The following REST variants were observed in gnomAD, a reference collection of about 807,000 sequenced individuals.
The protein encoded by REST is RE1-silencing transcription factor.
Under a neutral mutation model 30.4 loss-of-function variants are expected in REST, and 1 was observed. The observed-to-expected ratio is 0.03, with a 90% confidence interval of 0.01 to 0.16. The LOEUF (loss-of-function observed/expected upper bound fraction) is 0.16, where lower values mean the gene tolerates loss of function less well. Ranked by LOEUF, REST falls within the 10% of genes least tolerant of loss-of-function variation. REST has a pLI of 1.00. For synonymous variants in REST, 504 were observed against 451.1 expected (o/e 1.12, Z -1.49); for missense variants, 1,259 against 1,329.5 (o/e 0.95, Z 0.82).
chr4:56,919,564 A>C (rs1352350793), intron 2 of REST, among the ~76,000 whole-genome samples: 1 of 152,230 alleles, frequency 6.6e-6, no homozygotes, highest in Non-Finnish European at 1.5e-5. Context: ...TCGGAAAGTC[A>C]ATGTTGTTTT....
In REST at chr4:56,910,738, C is replaced by G; in HGVS notation, c.100C>G (p.His34Asp). 6.2e-7 allele frequency: 1 copy of G among 1,614,186 alleles called. No individual in the cohort carries two copies. Among genetic ancestry groups the G allele is most frequent in the Non-Finnish European group, 8.5e-7 (1 of 1,180,046 alleles). Residue 34 changes from histidine to aspartate, a missense_variant, in exon 2 of 4, where the codon CAT (histidine) becomes GAT (aspartate). This residue lies in a region of REST where 249 missense variants were observed against 251.5 expected (regional missense o/e 0.99). Coordinates refer to ENST00000309042, the MANE Select transcript of REST (RefSeq NM_005612.5). Reference protein sequence around the residue: ...MALPNDMYDLHDLSKAELAAP... With the variant: ...MALPNDMYDLDDLSKAELAAP... ...CCTGCCTAACGACATGTATGACTTG[C>G]ATGACCTTTCCAAAGCTGAACTGGC...
chr4:56,911,974 A>T (rs568257526), intron 2 of REST, among the ~76,000 whole-genome samples: 1 of 152,340 alleles, frequency 6.6e-6, no homozygotes, highest in East Asian at 1.9e-4. Context: ...AAAACAGAAA[A>T]AAAAAAGTTT....
At chr4:56,925,799 C>G (rs973927965) in intron 3 of REST, among the ~76,000 whole-genome samples, 2 of 152,086 alleles carry the variant, frequency 1.3e-5, no homozygotes. Context: ...AGAAAAAGAA[C>G]GGAGCAAATA....
rs149596049 is a variant in REST at position 56,926,835 on chromosome 4, G to A, written c.983-3006G>A. On this transcript the variant is annotated intron_variant, in intron 3 of 3. Coordinates refer to ENST00000309042, the MANE Select transcript of REST (RefSeq NM_005612.5). ...ATTGAGGCCGGGCGCGGTGGCTCACGCCTGTAATCCCAGCACTTTGGGAGG... is the reference window on the plus strand; with the variant it reads ...ATTGAGGCCGGGCGCGGTGGCTCACACCTGTAATCCCAGCACTTTGGGAGG... Among the ~76,000 whole-genome samples the A allele has an allele frequency of 1.5e-3, 234 of 151,946 alleles. 1 individual carries two copies. Among genetic ancestry groups the A allele is most frequent in the African/African-American group, 5.4e-3 (225 of 41,482 alleles).
chr4:56,930,695 A>G lies in REST; in HGVS notation c.1837A>G (p.Met613Val). 2 of 1,611,568 alleles carry G rather than the reference A, an allele frequency of 1.2e-6. No homozygotes were observed. The highest frequency in any genetic ancestry group is 1.7e-6 in the Non-Finnish European group (2 of 1,179,372). Residue 613 changes from methionine (M) to valine (V), a missense_variant, in exon 4 of 4, where the codon ATG becomes GTG. Coordinates refer to ENST00000309042, the MANE Select transcript of REST (RefSeq NM_005612.5). ...ATCTGCTCAGATGGACCCTCCTCAG[A>G]TGGGGCCTGCTCCCACAGAGGCGGT... ...KGSAQMDPPQ[M>V]GPAPTEAVQK...
chr4:56,930,215 A>G lies in REST; in HGVS notation c.1357A>G (p.Ile453Val), dbSNP rs756699542. ...AAAAACAGAAATAGAACAAACAAAA[A>G]TAAAAGGGGATGTGGCTGGAAAGAA... ...NEKTEIEQTK[I>V]KGDVAGKKNE... The change falls in exon 4 of 4, where the codon ATA (isoleucine) becomes GTA (valine). Residue 453 changes from isoleucine to valine, a missense_variant. By Grantham distance (29) the Ile-to-Val change is conservative. Coordinates refer to ENST00000309042, the MANE Select transcript of REST (RefSeq NM_005612.5). 2 of 1,606,664 alleles carry G rather than the reference A, an allele frequency of 1.2e-6. No individual in the cohort carries two copies. Among genetic ancestry groups the G allele is most frequent in the Non-Finnish European group, 1.7e-6 (2 of 1,178,452 alleles).
chr4:56,908,971 G>A lies in REST; in HGVS notation c.-10+758G>A, dbSNP rs573984914. The A allele has an allele frequency of 5.4e-3, 814 of 152,006 alleles. 5 individuals carry two copies. The highest frequency in any genetic ancestry group is 0.019 in the South Asian group (93 of 4,832). 9.4% of individuals were successfully genotyped at this position (152,006 alleles called of 1,614,324 possible). A position where few individuals can be genotyped will look rare whatever the true frequency, so the allele number is the denominator to read the frequency against. ...CCGCGGAGCCTCCCCGGCCCTGGGC[G>A]TTGGGCGAGCCCCGGGGCGGTCGGA... On this transcript the variant is annotated intron_variant, in intron 1 of 3. Coordinates refer to ENST00000309042, the MANE Select transcript of REST (RefSeq NM_005612.5).
At chr4:56,927,188 T>C (rs1447207501) in intron 3 of REST, among the ~76,000 whole-genome samples, 2 of 152,222 alleles carry the variant, frequency 1.3e-5, no homozygotes, top group African/African-American at 2.4e-5. Flanking sequence ...AGCTCATGTT[T>C]TATCTCCCAG....
rs1720941047 is a variant in REST at position 56,930,995 on chromosome 4, G to A, written c.2137G>A (p.Val713Ile). 1.9e-6 allele frequency: 3 copies of A among 1,614,120 alleles called. No homozygotes were observed. Among genetic ancestry groups the A allele is most frequent in the Non-Finnish European group, 2.5e-6 (3 of 1,180,050 alleles). Reference sequence around the variant, plus strand: ...TCCCATGGAACCTGCTCAGATGGAGGTTGCCCAGGTAGAATCTGCTCCCAT... The same window carrying A: ...TCCCATGGAACCTGCTCAGATGGAGATTGCCCAGGTAGAATCTGCTCCCAT... The part of the protein sequence containing the change: ...PAPMEPAQME[V>I]AQVESAPMQV... Residue 713 changes from valine to isoleucine, a missense_variant, in exon 4 of 4, where the codon GTT (valine) becomes ATT (isoleucine). Around this residue, in one of 5 missense-constraint regions of REST, gnomAD observed 856 missense variants for 772.8 expected, o/e 1.11. Transcript: ENST00000309042.
At chr4:56,926,216 C>T (rs1460350608) in intron 3 of REST, among the ~76,000 whole-genome samples, 43 of 151,908 alleles carry the variant, frequency 2.8e-4, no homozygotes, top group Admixed American at 2.6e-3. Flanking sequence ...TGCACCACCA[C>T]GCCTGGCTAA....
At chr4:56,920,531 G>A (rs1350564332) in intron 3 of REST, among the ~76,000 whole-genome samples, 4 of 151,940 alleles carry the variant, frequency 2.6e-5, no homozygotes, top group African/African-American at 9.7e-5. Context: ...GGAGGCCAAG[G>A]TGGGCGGATC....
intron 2 of REST, 79 bp downstream of exon 2, chr4:56,911,615 GA>G: frequency 8.6e-7 from 1 of 1,161,518 alleles, no homozygotes; most frequent in Non-Finnish European, 1.2e-6. Context: ...TAGTGCTTGA[GA>G]AAAAGGACTC....
chr4:56,926,525 C>T (rs557010867), intron 3 of REST, among the ~76,000 whole-genome samples: 32 of 152,124 alleles, frequency 2.1e-4, no homozygotes, highest in African/African-American at 7.7e-4. Context: ...TGTAGGCACG[C>T]ATCACCACGC....
intron 1 of REST, chr4:56,909,049 C>G (rs983537962): frequency 9.8e-5 from 15 of 152,308 alleles, no homozygotes; most frequent in African/African-American, 3.4e-4. Context: ...GGTAACTTTC[C>G]GTCCTCTCCC....
At chr4:56,913,980 T>C (rs1308153239) in intron 2 of REST, among the ~76,000 whole-genome samples, 1 of 151,158 alleles carries the variant, frequency 6.6e-6, no homozygotes, top group African/African-American at 2.4e-5. Flanking sequence ...TTGTCACCCA[T>C]CCTGGAGTGC....
chr4:56,908,876 C>A (rs1358404256), intron 1 of REST: 1 of 151,530 alleles, frequency 6.6e-6, no homozygotes, highest in African/African-American at 2.4e-5. Flanking sequence ...ACTTCCGGGG[C>A]GCGGGGGTGG....
chr4:56,920,770 T>G lies in REST; in HGVS notation c.982+900T>G, dbSNP rs902871267. Among the ~76,000 whole-genome samples the G allele has an allele frequency of 2.0e-5, 3 of 152,274 alleles. No homozygotes were observed. The South Asian group carries it at 6.2e-4, about 32-fold the overall frequency. Reference sequence around the variant, plus strand: ...AAAAAAGTCCCTATTGTCAAAGTATTCAAGTGGCCAAGTTAAAAAGTAATG... The same window carrying G: ...AAAAAAGTCCCTATTGTCAAAGTATGCAAGTGGCCAAGTTAAAAAGTAATG... On this transcript the variant is annotated intron_variant, in intron 3 of 3. Transcript: ENST00000309042.
chr4:56,911,725 G>C lies in REST; in HGVS notation c.898+189G>C, dbSNP rs78014186. On this transcript the variant is annotated intron_variant, in intron 2 of 3. Transcript: ENST00000309042. Reference sequence around the variant, plus strand: ...TTCTCCATGGAGTAACAATATCTAGGTTGGGAGGATTATGTGAAGTTACAT... The same window carrying C: ...TTCTCCATGGAGTAACAATATCTAGCTTGGGAGGATTATGTGAAGTTACAT... 715 of 592,950 alleles carry C rather than the reference G, an allele frequency of 1.2e-3. 6 individuals are homozygous for C. In the African/African-American group the frequency reaches 0.012, roughly 10 times the overall value. 36.7% of individuals were successfully genotyped at this position (592,950 alleles called of 1,614,324 possible).
chr4:56,908,443 C>G (rs990968276), intron 1 of REST, among the ~76,000 whole-genome samples: 1 of 151,862 alleles, frequency 6.6e-6, no homozygotes, highest in African/African-American at 2.4e-5. Flanking sequence ...TTGTTGGGAG[C>G]AGCGCGTCGC....
Sources: allele counts gnomAD v4.1 joint callset (sites outside exome capture counted in the v4.1 genomes callset), GRCh38; gene constraint gnomAD v4.1.1; regional missense constraint gnomAD v4.1.1; transcripts MANE v1.5; gene names NCBI Gene and HGNC (gene_info 2026-07-23, HGNC 2026-07-21).